Variants in PARVB observed in about 807,000 individuals in gnomAD.
PARVB encodes beta-parvin.
Under a neutral mutation model 47.0 loss-of-function variants are expected in PARVB, and 46 were observed. The ratio of observed to expected loss-of-function variants is 0.98; its 90% CI spans 0.77 to 1.25. The LOEUF (loss-of-function observed/expected upper bound fraction) is 1.25. PARVB is among the 50% of genes most tolerant of loss of function. The pLI, the probability that PARVB is intolerant of heterozygous loss-of-function variation, is 0.00. For missense variants in PARVB, 473 were observed against 471.6 expected, an observed-to-expected ratio of 1.00 and a Z score of -0.03; for synonymous variants, 196 against 196.3, an observed-to-expected ratio of 1.00 and a Z score of 0.01.
intron 6 of PARVB, among the ~76,000 whole-genome samples, chr22:44,133,664 A>G (rs1464471180): frequency 6.6e-6 from 1 of 152,154 alleles, no homozygotes; most frequent in Non-Finnish European, 1.5e-5. Flanking sequence ...TCAGCCTCCC[A>G]GGTAGCTAGG....
At chr22:44,159,852 C>A (rs983186824) in intron 11 of PARVB, among the ~76,000 whole-genome samples, 1 of 152,180 alleles carries the variant, frequency 6.6e-6, no homozygotes, top group Admixed American at 6.5e-5. Flanking sequence ...TTGCTAATGT[C>A]TCCTGTGGGC....
Position 44,041,814 on chromosome 22 carries a change from G to A in PARVB, c.112+17363G>A, listed in dbSNP as rs1480665290. On this transcript the variant is annotated intron_variant, in intron 1 of 12. Transcript: ENST00000338758. ...GGGGGAGAATGGCTTGAGCATGGAAGGCTGAGGCTGCAGTGAGTCGAGATT... is the reference window on the plus strand; with the variant it reads ...GGGGGAGAATGGCTTGAGCATGGAAAGCTGAGGCTGCAGTGAGTCGAGATT... Among the ~76,000 whole-genome samples the A allele has an allele frequency of 2.0e-5, 3 of 152,106 alleles. No individual in the cohort carries two copies. In the East Asian group the frequency reaches 5.8e-4, roughly 29 times the overall value.
chr22:44,116,254 T>A (rs143735512), intron 3 of PARVB: 9 of 152,286 alleles, frequency 5.9e-5, no homozygotes, highest in Non-Finnish European at 1.2e-4. Context: ...AGGTTGTCAC[T>A]TTGGGGAGGA....
Position 44,136,575 on chromosome 22 carries a change from C to T in PARVB, c.692+57C>T. 11 of 1,452,290 alleles carry T rather than the reference C, an allele frequency of 7.6e-6. No individual in the cohort carries two copies. In the East Asian group the frequency reaches 9.1e-5, roughly 12 times the overall value. 90.0% of individuals were successfully genotyped at this position (1,452,290 alleles called of 1,614,324 possible). ...CCTGCTGCCCCGAGTGAGTGGGACC[C>T]CAGGCTGCCACTTCAGCCAGGGACA... On this transcript the variant is annotated intron_variant, in intron 7 of 12. Transcript: ENST00000338758.
chr22:44,159,910 G>A (rs2054015881), intron 11 of PARVB, among the ~76,000 whole-genome samples: 1 of 152,190 alleles, frequency 6.6e-6, no homozygotes, highest in South Asian at 2.1e-4. Flanking sequence ...CCTGACAGCT[G>A]CTCCACATTT....
rs894960006 is a variant in PARVB at position 44,049,482 on chromosome 22, G to A, written c.112+25031G>A. Among the ~76,000 whole-genome samples, 2 of 152,116 alleles carry A rather than the reference G, an allele frequency of 1.3e-5. No homozygotes were observed. The highest frequency in any genetic ancestry group is 2.9e-5 in the Non-Finnish European group (2 of 68,010). On this transcript the variant is annotated intron_variant, in intron 1 of 12. Transcript: ENST00000338758. The surrounding 1 kb of genome is among the most constrained non-coding windows in gnomAD (Gnocchi z 4.0). ...TTGGATTTGCTCCACTCTTTTTCAC[G>A]GGCATAAAAATATCTGCGGAGTGAA...
In PARVB at chr22:44,154,827, G is replaced by T. The variant is rs116131453; in HGVS notation, c.844-3155G>T. 6.8e-3 allele frequency among the ~76,000 whole-genome samples: 979 copies of T among 143,804 alleles called. 11 individuals carry two copies. Among genetic ancestry groups the T allele is most frequent in the African/African-American group, 0.025 (944 of 38,352 alleles). 94.3% of individuals were successfully genotyped at this position (143,804 alleles called of 152,430 possible). A position where few individuals can be genotyped will look rare whatever the true frequency, so the allele number is the denominator to read the frequency against. On this transcript the variant is annotated intron_variant, in intron 10 of 12. Transcript: ENST00000338758. Reference sequence around the variant, plus strand: ...GTGTGTAGTTTTTGTAGTCTGTGTGGTGTGTGTTGTGTGTGTGGTTTATGC... The same window carrying T: ...GTGTGTAGTTTTTGTAGTCTGTGTGTTGTGTGTTGTGTGTGTGGTTTATGC...
rs367586131 is a variant in PARVB at position 44,072,834 on chromosome 22, C to G, written c.113-21094C>G. 2.1e-4 allele frequency among the ~76,000 whole-genome samples: 32 copies of G among 152,282 alleles called. 2 individuals are homozygous for G. Among genetic ancestry groups the G allele is most frequent in the Admixed American group, 1.1e-3 (17 of 15,290 alleles). On this transcript the variant is annotated intron_variant, in intron 1 of 12. Transcript: ENST00000338758. ...GAACAAGTTTCCGTCATGAATAAGT[C>G]CCCTACCTACTAGGGATGTAGGGAT...
At chr22:44,025,698 A>T (rs2050716683) in intron 1 of PARVB, among the ~76,000 whole-genome samples, 1 of 149,938 alleles carries the variant, frequency 6.7e-6, no homozygotes, top group South Asian at 2.1e-4. Context: ...CGTCTCCTAA[A>T]TGACATGATT....
chr22:44,158,382 C>G (rs2053981823), intron 11 of PARVB, among the ~76,000 whole-genome samples: 1 of 152,204 alleles, frequency 6.6e-6, no homozygotes, highest in Non-Finnish European at 1.5e-5. Flanking sequence ...TTCCCCCATT[C>G]TGCTGCAGCT....
Position 44,024,466 on chromosome 22 carries a change from G to C in PARVB, c.112+15G>C. On this transcript the variant is annotated intron_variant, in intron 1 of 12. Coordinates refer to ENST00000338758, the MANE Select transcript of PARVB (RefSeq NM_013327.5). ...GGCGCGCGAGGGTGAGTGCGCGCCC[G>C]CGCCCGCCGACCCCCGGGGACCTGC... The C allele has an allele frequency of 8.8e-7, 1 of 1,141,670 alleles. No homozygotes were observed. Among genetic ancestry groups the C allele is most frequent in the Non-Finnish European group, 1.1e-6 (1 of 928,934 alleles). 70.7% of individuals were successfully genotyped at this position (1,141,670 alleles called of 1,614,324 possible). A position where few individuals can be genotyped will look rare whatever the true frequency, so the allele number is the denominator to read the frequency against.
chr22:44,030,939 C>G (rs891993092), intron 1 of PARVB, among the ~76,000 whole-genome samples: 2 of 151,956 alleles, frequency 1.3e-5, no homozygotes, highest in African/African-American at 4.8e-5. Context: ...GTGGCTGGTC[C>G]GAAGTTGGGG....
intron 1 of PARVB, among the ~76,000 whole-genome samples, chr22:44,037,357 A>G (rs2050940280): frequency 1.3e-5 from 2 of 152,094 alleles, no homozygotes; most frequent in South Asian, 4.2e-4. Context: ...TGGGAGGTGG[A>G]GGTTGCGGTG....
intron 4 of PARVB, chr22:44,119,779 A>G (rs776530348): frequency 3.8e-6 from 2 of 532,786 alleles, no homozygotes; most frequent in Admixed American, 1.9e-5. Flanking sequence ...ATATTTTTGA[A>G]TGGTTACAGT....
chr22:44,116,410 A>G (rs2052903744), intron 3 of PARVB, among the ~76,000 whole-genome samples: 1 of 152,046 alleles, frequency 6.6e-6, no homozygotes, highest in Admixed American at 6.6e-5. Flanking sequence ...CTTTCTATCA[A>G]CCATCACAAC....
At chr22:43,999,392 A>G in exon 1 of PARVB, 1 of 1,610,718 alleles carries the variant, frequency 6.2e-7, no homozygotes, top group Non-Finnish European at 8.5e-7. Context: ...GGGATTCCTT[A>G]GTCCAGAGAA....
chr22:44,145,478 C>G (rs950844741), intron 8 of PARVB: 1 of 152,292 alleles, frequency 6.6e-6, no homozygotes, highest in Non-Finnish European at 1.5e-5. Context: ...CTCTGCGGCT[C>G]CCAGGGCTGC....
chr22:44,039,126 T>C (rs781169658), intron 1 of PARVB, among the ~76,000 whole-genome samples: 2 of 152,184 alleles, frequency 1.3e-5, no homozygotes, highest in Non-Finnish European at 2.9e-5. Flanking sequence ...TGCTACTCAC[T>C]CAGGCTGGAG....
At chr22:44,092,860 C>T (rs933714009) in intron 1 of PARVB, among the ~76,000 whole-genome samples, 3 of 152,218 alleles carry the variant, frequency 2.0e-5, no homozygotes, top group Non-Finnish European at 4.4e-5. Context: ...GCTGGATGTC[C>T]AGAGCTAGAG....
Sources: allele counts gnomAD v4.1 joint callset (sites outside exome capture counted in the v4.1 genomes callset), GRCh38; gene constraint gnomAD v4.1.1; non-coding constraint Gnocchi (gnomAD v3.1); transcripts MANE v1.5; gene names NCBI Gene and HGNC (gene_info 2026-07-23, HGNC 2026-07-21).